MAMLD1: variants seen among roughly 807,000 people sequenced by gnomAD.
MAMLD1 encodes the protein mastermind-like domain-containing protein 1.
MAMLD1 carries 14 observed loss-of-function variants against 45.0 expected under a neutral mutation model. The ratio of observed to expected loss-of-function variants is 0.31; its 90% CI spans 0.21 to 0.49. The LOEUF is 0.49. MAMLD1 is among the 20% of genes least tolerant of loss of function. The probability of loss-of-function intolerance (pLI) is 0.99; values close to 1 mark genes in which losing one functional copy is unlikely to be tolerated. For synonymous variants in MAMLD1, 254 were observed against 247.8 expected (o/e 1.02, Z -0.24); for missense variants, 543 against 603.6 (o/e 0.90, Z 1.05).
Position 150,470,897 on chromosome X carries a change from C to A in MAMLD1, c.1324C>A (p.His442Asn), listed in dbSNP as rs782790005. The A allele has an allele frequency of 1.7e-5, 20 of 1,211,801 alleles. No individual in the cohort carries two copies. Among genetic ancestry groups the A allele is most frequent in the Non-Finnish European group, 2.1e-5 (19 of 895,546 alleles). The change falls in exon 4 of 8, where the codon CAC (histidine) becomes AAC (asparagine). Residue 442 changes from histidine to asparagine, a missense_variant. His to Asn is a moderately conservative substitution (Grantham distance 68). Transcript: ENST00000370401. ...CTCTACCATCAAAACCCCTCAAGGA[C>A]ACCTGATGTCTGCTCTGCCTGCCAG... is the stretch of plus-strand genomic sequence containing the variant. Reference protein sequence around the residue: ...MSSTIKTPQGHLMSALPASNP... With the variant: ...MSSTIKTPQGNLMSALPASNP...
chrX:150,376,043 A>T (rs1269745403), intron 1 of MAMLD1, among the ~76,000 whole-genome samples: 1 of 111,107 alleles, frequency 9.0e-6, no homozygotes, highest in African/African-American at 3.3e-5. Flanking sequence ...CTTTGATACC[A>T]ACTAGCCATG....
intron 1 of MAMLD1, among the ~76,000 whole-genome samples, chrX:150,424,082 A>G (rs1487320162): frequency 3.6e-5 from 4 of 111,058 alleles, no homozygotes; most frequent in African/African-American, 1.3e-4. Flanking sequence ...GTTCCAGAAA[A>G]CTCTGTTCTC....
At chrX:150,459,856 AG>A (rs1285126852) in intron 2 of MAMLD1, among the ~76,000 whole-genome samples, 4 of 101,582 alleles carry the variant, frequency 3.9e-5, no homozygotes, top group African/African-American at 1.4e-4. Flanking sequence ...GGAGGGAGGG[AG>A]GGAGGAAGGA....
At chrX:150,367,786 A>G (rs1314804934) in intron 1 of MAMLD1, among the ~76,000 whole-genome samples, 1 of 99,980 alleles carries the variant, frequency 1.0e-5, no homozygotes, top group Non-Finnish European at 2.0e-5. Flanking sequence ...TTCAATTCCC[A>G]CCTATGAGTG....
chrX:150,488,142 C>T (rs1263110192), intron 5 of MAMLD1, among the ~76,000 whole-genome samples: 2 of 112,691 alleles, frequency 1.8e-5, no homozygotes, highest in Non-Finnish European at 3.8e-5. Flanking sequence ...CCCCTTCTCT[C>T]TGGGAAGCTG....
chrX:150,371,077 C>T (rs1557401013), intron 1 of MAMLD1, among the ~76,000 whole-genome samples: 1 of 110,820 alleles, frequency 9.0e-6, no homozygotes, highest in African/African-American at 3.3e-5. Flanking sequence ...AGGAGGACCC[C>T]CGACCCACCC....
intron 1 of MAMLD1, among the ~76,000 whole-genome samples, chrX:150,425,434 A>G (rs782300534): frequency 8.9e-6 from 1 of 112,841 alleles, no homozygotes; most frequent in Non-Finnish European, 1.9e-5. Flanking sequence ...TGATATATCT[A>G]TTAGCACAAG....
intron 5 of MAMLD1, among the ~76,000 whole-genome samples, chrX:150,500,743 G>A (rs1297260720): frequency 8.9e-6 from 1 of 112,169 alleles, no homozygotes; most frequent in Non-Finnish European, 1.9e-5. Context: ...AAGTTGAAAT[G>A]TTCCTAACAA....
chrX:150,398,343 G>GAAGAAGAA lies in MAMLD1; in HGVS notation c.-64+34813_-64+34814insAAGAAGAA, dbSNP rs1569564636. On this transcript the variant is annotated intron_variant, in intron 1 of 7. Coordinates refer to ENST00000370401, the MANE Select transcript of MAMLD1 (RefSeq NM_005491.5). ...AAGAAGAAGAAGAAGAAGAAGAAGA[G>GAAGAAGAA]GAAGAGGAAGAGGAAGAGGAAGAGG... 9.2e-4 allele frequency among the ~76,000 whole-genome samples: 52 copies of GAAGAAGAA among 56,442 alleles called. 5 individuals carry two copies. Among genetic ancestry groups the GAAGAAGAA allele is most frequent in the Middle Eastern group, 8.7e-3 (1 of 115 alleles). The allele number at this position is 56,442 out of a possible 115,157, so 49.0% of individuals were successfully genotyped here.
intron 2 of MAMLD1, among the ~76,000 whole-genome samples, chrX:150,461,209 T>G (rs2036027446): frequency 8.8e-6 from 1 of 113,112 alleles, no homozygotes; most frequent in Admixed American, 9.2e-5. Flanking sequence ...GGTGCCACAC[T>G]TGCAGCATTC....
chrX:150,508,131 A>G (rs2037787135), intron 6 of MAMLD1, among the ~76,000 whole-genome samples: 2 of 112,336 alleles, frequency 1.8e-5, no homozygotes, highest in Non-Finnish European at 3.8e-5. Flanking sequence ...TTCTGCCCTG[A>G]TGTCCTGAGA....
At chrX:150,431,610 C>T (rs1387968845) in intron 1 of MAMLD1, among the ~76,000 whole-genome samples, 3 of 110,521 alleles carry the variant, frequency 2.7e-5, no homozygotes, top group African/African-American at 9.9e-5. Flanking sequence ...TTGTTCCCCT[C>T]TTTATGTCCA....
chrX:150,422,211 C>G (rs1342427433), intron 1 of MAMLD1, among the ~76,000 whole-genome samples: 3 of 112,388 alleles, frequency 2.7e-5, no homozygotes, highest in Admixed American at 1.9e-4. Context: ...TATGAGGCTT[C>G]TATCCAGGAT....
chrX:150,445,989 G>A (rs1405558133), intron 2 of MAMLD1, among the ~76,000 whole-genome samples: 1 of 111,661 alleles, frequency 9.0e-6, no homozygotes, highest in African/African-American at 3.3e-5. Context: ...TAGTATGACT[G>A]AGAACAAAAA....
chrX:150,481,844 A>AG (rs1569564956), intron 5 of MAMLD1, among the ~76,000 whole-genome samples: 2 of 107,378 alleles, frequency 1.9e-5, no homozygotes, highest in African/African-American at 6.8e-5. Context: ...AATAAAAAAA[A>AG]AGAAAGAAAG....
At chrX:150,449,841 C>T (rs1476940091) in intron 2 of MAMLD1, among the ~76,000 whole-genome samples, 1 of 111,262 alleles carries the variant, frequency 9.0e-6, no homozygotes, top group Non-Finnish European at 1.9e-5. Flanking sequence ...CTGTAGTTCT[C>T]GGTGAAACCT....
rs1277630851 is a variant in MAMLD1, at chrX:150,503,381, C to T, written c.2148C>T (p.Pro716=). The T allele has an allele frequency of 9.1e-6, 11 of 1,210,702 alleles. No individual in the cohort carries two copies. The African/African-American group carries it at 1.2e-4, about 13-fold the overall frequency. The stretch of plus-strand genomic sequence containing the variant: ...CCCTGGGGAGTGAGTCCTTCCTGCC[C>T]GGCAGCTCCTTTGCTCATGAGCTGG... The part of the protein sequence containing the change: ...CQALGSESFL[P]GSSFAHELAR... The change falls in exon 6 of 8, where the codon CCC becomes CCT. Residue 716 remains proline (P), a synonymous_variant. Transcript: ENST00000370401.
upstream of MAMLD1, chrX:150,362,717 T>C (rs1187973520): frequency 3.6e-5 from 4 of 111,888 alleles, no homozygotes; most frequent in African/African-American, 9.7e-5. Flanking sequence ...ACCTTCGGCG[T>C]GCGGGTTTCC....
chrX:150,430,027 T>C (rs1557403980), intron 1 of MAMLD1, among the ~76,000 whole-genome samples: 1 of 80,962 alleles, frequency 1.2e-5, no homozygotes, highest in South Asian at 7.0e-4. Context: ...TTCTTTTTTT[T>C]TTTTTTTTTT....
Sources: allele counts gnomAD v4.1 joint callset (sites outside exome capture counted in the v4.1 genomes callset), GRCh38; gene constraint gnomAD v4.1.1; transcripts MANE v1.5; gene names NCBI Gene and HGNC (gene_info 2026-07-23, HGNC 2026-07-21).